TNFSF10: variants seen among roughly 807,000 people sequenced by gnomAD.
TNFSF10 encodes the protein tumor necrosis factor ligand superfamily member 10.
In TNFSF10, 13 loss-of-function variants were observed where a neutral mutation model predicts 29.5. The observed-to-expected ratio is 0.44, with a 90% CI of 0.29 to 0.70. The LOEUF (loss-of-function observed/expected upper bound fraction) is 0.70. Among genes scored for constraint, TNFSF10 ranks in the 30% least tolerant of loss-of-function variants. The pLI, the probability that TNFSF10 is intolerant of heterozygous loss-of-function variation, is 0.13. For synonymous variants in TNFSF10, 111 were observed against 112.8 expected (o/e 0.98, Z 0.10); for missense variants, 345 against 330.9 (o/e 1.04, Z -0.33).
chr3:172,516,510 A>G (rs1272393131), intron 1 of TNFSF10, among the ~76,000 whole-genome samples: 2 of 152,220 alleles, frequency 1.3e-5, no homozygotes, highest in Non-Finnish European at 2.9e-5. Context: ...ACATTTGGCC[A>G]AGGTCCCTCA....
intron 1 of TNFSF10, chr3:172,517,234 C>T: frequency 4.2e-6 from 3 of 713,846 alleles, no homozygotes; most frequent in Non-Finnish European, 5.2e-6. Flanking sequence ...TGGAGTTTGA[C>T]AAGGATGGTC....
chr3:172,507,277 G>A lies in TNFSF10; in HGVS notation c.419-358C>T, dbSNP rs114011267. The A allele has an allele frequency of 3.9e-3, 834 of 213,348 alleles. 12 individuals are homozygous for A. Among genetic ancestry groups the A allele is most frequent in the African/African-American group, 0.017 (743 of 43,290 alleles). 13.2% of individuals were successfully genotyped at this position (213,348 alleles called of 1,614,324 possible). A position where few individuals can be genotyped will look rare whatever the true frequency, so the allele number is the denominator to read the frequency against. On this transcript the variant is annotated intron_variant, in intron 4 of 4. Transcript: ENST00000241261. ...CTTCTGCCCTGAATCTGTTCCTCCC[G>A]TCTTGTGCTGGTGAACTTAAGTGGA...
intron 4 of TNFSF10, 84 bp from the exon 5 acceptor site, chr3:172,507,003 T>A: frequency 5.6e-6 from 7 of 1,260,722 alleles, no homozygotes; most frequent in Non-Finnish European, 7.5e-6. Context: ...GTGGCCAGCC[T>A]ATATTTTTGT....
At chr3:172,514,714 G>T in intron 2 of TNFSF10, 147 bp downstream of exon 2, 2 of 1,147,364 alleles carry the variant, frequency 1.7e-6, no homozygotes, top group Non-Finnish European at 1.2e-6. Context: ...ATGAATTTGG[G>T]GAAAATTACT....
At chr3:172,520,042 C>A (rs1395770794) in intron 1 of TNFSF10, among the ~76,000 whole-genome samples, 1 of 152,192 alleles carries the variant, frequency 6.6e-6, no homozygotes, top group Non-Finnish European at 1.5e-5. Context: ...TTTCTTGTCT[C>A]CTCGTCTGTA....
chr3:172,517,805 A>G, intron 1 of TNFSF10: 3 of 982,822 alleles, frequency 3.1e-6, no homozygotes, highest in Non-Finnish European at 3.6e-6. Context: ...TAAAAAGGAA[A>G]AAAAGTACCC....
chr3:172,523,104 C>A (rs1713776070), intron 1 of TNFSF10, 149 bp downstream of exon 1: 1 of 962,492 alleles, frequency 1.0e-6, no homozygotes, highest in Non-Finnish European at 1.4e-6. Context: ...GCAAAGACCT[C>A]AGTTGTTATG....
In TNFSF10 at chr3:172,521,117, C is replaced by T. The variant is rs1009110819; in HGVS notation, c.132+2136G>A. 8.5e-5 allele frequency among the ~76,000 whole-genome samples: 13 copies of T among 152,228 alleles called. No individual in the cohort carries two copies. The East Asian group carries it at 2.5e-3, about 29-fold the overall frequency. The stretch of plus-strand genomic sequence containing the variant: ...TAAAAACCCCAGAAGAAAACCTAGG[C>T]ATACCATTCAAGATGGCATGGGCAA... On this transcript the variant is annotated intron_variant, in intron 1 of 4. Coordinates refer to ENST00000241261, the MANE Select transcript of TNFSF10 (RefSeq NM_003810.4).
At chr3:172,517,502 C>T (rs1713484545) in intron 1 of TNFSF10, 2 of 984,704 alleles carry the variant, frequency 2.0e-6, no homozygotes, top group Non-Finnish European at 1.2e-6. Context: ...GTAAAGAACA[C>T]TTTTCTAAAA....
intron 1 of TNFSF10, chr3:172,522,556 T>G (rs1344836409): frequency 1.9e-6 from 1 of 530,440 alleles, no homozygotes; most frequent in African/African-American, 1.9e-5. Context: ...AAATAGACTC[T>G]TTTATTTATT....
At chr3:172,517,173 C>G (rs539361990) in intron 1 of TNFSF10, among the ~76,000 whole-genome samples, 2 of 152,316 alleles carry the variant, frequency 1.3e-5, no homozygotes, top group African/African-American at 4.8e-5. Context: ...GAGTTGAAAG[C>G]TGCCTGTGAT....
intron 2 of TNFSF10, 86 bp from the exon 3 acceptor site, chr3:172,511,745 C>T: frequency 8.3e-7 from 1 of 1,202,128 alleles, no homozygotes; most frequent in Non-Finnish European, 1.2e-6. Context: ...TTGCTGATGT[C>T]TAACAGGAAA....
In TNFSF10 at chr3:172,511,612, A is replaced by T; in HGVS notation, c.313+5T>A. 1 of 1,605,072 alleles carries T rather than the reference A, an allele frequency of 6.2e-7. No homozygotes were observed. Among genetic ancestry groups the T allele is most frequent in the East Asian group, 2.2e-5 (1 of 44,724 alleles). On this transcript the variant is annotated splice_donor_5th_base_variant and intron_variant, in intron 3 of 4. Transcript: ENST00000241261. The stretch of plus-strand genomic sequence containing the variant: ...AAATTAAAATAACAACAAAAAAGAT[A>T]CTACCTTGAACTGTAGAAATGGTTT...
At chr3:172,515,595 C>T (rs1713395066) in intron 1 of TNFSF10, among the ~76,000 whole-genome samples, 1 of 152,148 alleles carries the variant, frequency 6.6e-6, no homozygotes, top group African/African-American at 2.4e-5. Context: ...AATCTGAATG[C>T]TGTCTCATTA....
intron 1 of TNFSF10, chr3:172,518,137 G>A (rs1339375850): frequency 9.5e-7 from 1 of 1,054,032 alleles, no homozygotes; most frequent in Non-Finnish European, 1.2e-6. Context: ...ATCATAGGCT[G>A]AGGCTATATT....
rs368079863 is a variant in TNFSF10 at position 172,521,844 on chromosome 3, C to G, written c.132+1409G>C. ...ATAAAGAAAATGTGGCACATATACACCATGGAATACTATGCAGCCATTAAA... is the reference window on the plus strand; with the variant it reads ...ATAAAGAAAATGTGGCACATATACAGCATGGAATACTATGCAGCCATTAAA... On this transcript the variant is annotated intron_variant, in intron 1 of 4. Coordinates refer to ENST00000241261, the MANE Select transcript of TNFSF10 (RefSeq NM_003810.4). 2.4e-4 allele frequency among the ~76,000 whole-genome samples: 37 copies of G among 152,358 alleles called. No individual in the cohort carries two copies. In the East Asian group the frequency reaches 5.8e-3, roughly 24 times the overall value.
intron 1 of TNFSF10, among the ~76,000 whole-genome samples, chr3:172,518,741 C>A (rs181267627): frequency 3.3e-5 from 5 of 152,310 alleles, no homozygotes; most frequent in Admixed American, 3.3e-4. Context: ...GTTCACCAGA[C>A]AAAGTGGAGC....
rs1713489312 is a variant in TNFSF10 at position 172,517,612 on chromosome 3, G to A, written c.133-2614C>T. 3 of 985,150 alleles carry A rather than the reference G, an allele frequency of 3.0e-6. No homozygotes were observed. In the Admixed American group the frequency reaches 1.8e-4, roughly 61 times the overall value. 61.0% of individuals were successfully genotyped at this position (985,150 alleles called of 1,614,324 possible). Reference sequence around the variant, plus strand: ...ATTCTCACCTCCTACTTAACCTTTGGATGATATCTCTTGTTTACAGGGGTG... The same window carrying A: ...ATTCTCACCTCCTACTTAACCTTTGAATGATATCTCTTGTTTACAGGGGTG... On this transcript the variant is annotated intron_variant, in intron 1 of 4. Coordinates refer to ENST00000241261, the MANE Select transcript of TNFSF10 (RefSeq NM_003810.4).
At chr3:172,515,485 T>A (rs1713390514) in intron 1 of TNFSF10, among the ~76,000 whole-genome samples, 1 of 151,992 alleles carries the variant, frequency 6.6e-6, no homozygotes, top group South Asian at 2.1e-4. Context: ...TGGGAGGGGG[T>A]CATGTTCTGT....
Sources: gnomAD v4.1 joint callset for allele counts (sites outside exome capture counted in the v4.1 genomes callset) on GRCh38, gnomAD v4.1.1 for gene constraint, MANE v1.5 for transcripts, NCBI Gene and HGNC (gene_info 2026-07-23, HGNC 2026-07-21) for gene names.